Variants in CDH4 observed in about 807,000 individuals in gnomAD.
The protein encoded by CDH4 is cadherin-4.
Under a neutral mutation model 86.0 loss-of-function variants are expected in CDH4, and 33 were observed. The observed-to-expected ratio is 0.38, with a 90% CI of 0.29 to 0.51. The LOEUF is 0.51. CDH4 is among the 20% of genes least tolerant of loss of function. The probability of loss-of-function intolerance (pLI) is 0.86; values close to 1 mark genes in which losing one functional copy is unlikely to be tolerated. For synonymous variants in CDH4, 555 were observed against 549.4 expected (o/e 1.01, Z -0.14); for missense variants, 1,114 against 1,307.4 (o/e 0.85, Z 2.28).
At position 61,346,392 on chromosome 20, in the gene CDH4, A is replaced by G. The variant is rs368754083; in HGVS notation, c.169+91455A>G. The stretch of plus-strand genomic sequence containing the variant: ...GAGCTTGGGCTGCATTCCCACGGCC[A>G]TGAGGAGGCTTTGGAGGGTCTGAGC... On this transcript the variant is annotated intron_variant, in intron 2 of 15. Transcript: ENST00000614565. Among the ~76,000 whole-genome samples the G allele has an allele frequency of 4.5e-3, 686 of 152,272 alleles. 8 individuals are homozygous for G. Among genetic ancestry groups the G allele is most frequent in the African/African-American group, 0.016 (659 of 41,558 alleles).
At chr20:61,839,951 C>G (rs565003063) in intron 4 of CDH4, among the ~76,000 whole-genome samples, 1 of 120,984 alleles carries the variant, frequency 8.3e-6, no homozygotes, top group East Asian at 2.1e-4. Flanking sequence ...CATTTGTGTG[C>G]ATGGTGTGTG....
rs752182734 is a variant in CDH4 at position 61,417,661 on chromosome 20, G to A, written c.169+162724G>A. 1.3e-5 allele frequency among the ~76,000 whole-genome samples: 2 copies of A among 152,172 alleles called. No homozygotes were observed. Among genetic ancestry groups the A allele is most frequent in the African/African-American group, 4.8e-5 (2 of 41,442 alleles). On this transcript the variant is annotated intron_variant, in intron 2 of 15. Coordinates refer to ENST00000614565, the MANE Select transcript of CDH4 (RefSeq NM_001794.5). This position sits in a 1 kb window ranked among gnomAD's most constrained non-coding sequence, Gnocchi z 4.0. The stretch of plus-strand genomic sequence containing the variant: ...TGGATTGGGGAGCAAATTTCTAGCC[G>A]CTTCCCTCTCAGAACATGCATTTCT...
chr20:61,414,127 C>T (rs1226454794), intron 2 of CDH4, among the ~76,000 whole-genome samples: 1 of 152,236 alleles, frequency 6.6e-6, no homozygotes. Context: ...CCATTAGCTC[C>T]TTAAAGGCGC....
chr20:61,508,170 C>T (rs1489329966), intron 2 of CDH4, among the ~76,000 whole-genome samples: 1 of 152,222 alleles, frequency 6.6e-6, no homozygotes, highest in Non-Finnish European at 1.5e-5. Flanking sequence ...ATAAATGCCA[C>T]TTCAGAGACA....
chr20:61,839,585 G>A (rs1405772675), intron 4 of CDH4, among the ~76,000 whole-genome samples: 2 of 151,754 alleles, frequency 1.3e-5, no homozygotes, highest in Non-Finnish European at 2.9e-5. Context: ...TGTGTGACGT[G>A]TGTATGTGTA....
chr20:61,764,544 TG>T (rs2088676106), intron 3 of CDH4, among the ~76,000 whole-genome samples: 1 of 152,000 alleles, frequency 6.6e-6, no homozygotes, highest in African/African-American at 2.4e-5. Flanking sequence ...CCTCGAGCCA[TG>T]GGTGGAGAGT....
chr20:61,418,226 C>T lies in CDH4; in HGVS notation c.169+163289C>T, dbSNP rs1223921043. Among the ~76,000 whole-genome samples the T allele has an allele frequency of 8.6e-5, 12 of 139,680 alleles. 1 individual carries two copies. The highest frequency in any genetic ancestry group is 3.5e-4 in the African/African-American group (12 of 34,032). 91.6% of individuals were successfully genotyped at this position (139,680 alleles called of 152,430 possible). A position where few individuals can be genotyped will look rare whatever the true frequency, so the allele number is the denominator to read the frequency against. On this transcript the variant is annotated intron_variant, in intron 2 of 15. Transcript: ENST00000614565. ...TTTTTTTTCTTTTTTTTTTTTTTTC[C>T]CTGAGACAGAGTCTCGCTCTGTCCC...
chr20:61,451,168 T>G (rs537166038), intron 2 of CDH4, among the ~76,000 whole-genome samples: 4 of 150,890 alleles, frequency 2.7e-5, no homozygotes, highest in African/African-American at 9.9e-5. Context: ...TGCATGTTTC[T>G]TCAATAGAGT....
Position 61,902,860 on chromosome 20 carries a change from A to T in CDH4, c.1189-7562A>T, listed in dbSNP as rs2054741859. On this transcript the variant is annotated intron_variant, in intron 8 of 15. Transcript: ENST00000614565. This position sits in a 1 kb window ranked among gnomAD's most constrained non-coding sequence, Gnocchi z 4.6. The stretch of plus-strand genomic sequence containing the variant: ...ACCTGTCTCAGAGAGCTGATTAAAA[A>T]TCTCACACCACACACAGCAGAGGTG... Among the ~76,000 whole-genome samples, 2 of 152,076 alleles carry T rather than the reference A, an allele frequency of 1.3e-5. No individual in the cohort carries two copies. Among genetic ancestry groups the T allele is most frequent in the Admixed American group, 1.3e-4 (2 of 15,272 alleles).
intron 2 of CDH4, among the ~76,000 whole-genome samples, chr20:61,560,809 G>A (rs868818816): frequency 5.6e-4 from 85 of 152,352 alleles, no homozygotes; most frequent in African/African-American, 1.9e-3. Flanking sequence ...CTGTCCATCC[G>A]GGGATAGTCC....
chr20:61,630,002 C>T (rs6089442), intron 2 of CDH4, among the ~76,000 whole-genome samples: 88,913 of 151,646 alleles, frequency 0.59, 26,195 homozygotes, highest in East Asian at 0.71. Context: ...CACCTCTGCC[C>T]GGGCTCCGAG....
intron 3 of CDH4, among the ~76,000 whole-genome samples, chr20:61,746,947 G>T (rs1181198070): frequency 6.6e-6 from 1 of 152,226 alleles, no homozygotes; most frequent in Non-Finnish European, 1.5e-5. Flanking sequence ...CTCTATAGAT[G>T]ATCAAGGTGA....
chr20:61,616,210 C>T (rs564809663), intron 2 of CDH4, among the ~76,000 whole-genome samples: 47 of 152,328 alleles, frequency 3.1e-4, no homozygotes, highest in Admixed American at 1.2e-3. Flanking sequence ...CCAGAAAGGC[C>T]GTGACAGGGG....
At chr20:61,638,967 G>A (rs1217263261) in intron 2 of CDH4, among the ~76,000 whole-genome samples, 1 of 152,198 alleles carries the variant, frequency 6.6e-6, no homozygotes, top group Non-Finnish European at 1.5e-5. Context: ...TGTGATAACG[G>A]AATGAATGAC....
rs113901884 is a variant in CDH4, at chr20:61,466,577, T to C, written c.169+211640T>C. Among the ~76,000 whole-genome samples, 1,044 of 152,222 alleles carry C rather than the reference T, an allele frequency of 6.9e-3. 11 individuals carry two copies. Among genetic ancestry groups the C allele is most frequent in the African/African-American group, 0.024 (988 of 41,526 alleles). On this transcript the variant is annotated intron_variant, in intron 2 of 15. Coordinates refer to ENST00000614565, the MANE Select transcript of CDH4 (RefSeq NM_001794.5). ...ATTCTTTCCTGGCTGGGCACGGTGGTTCATGCCTATAATCTTAGCACTTTG... is the reference window on the plus strand; with the variant it reads ...ATTCTTTCCTGGCTGGGCACGGTGGCTCATGCCTATAATCTTAGCACTTTG...
intron 2 of CDH4, among the ~76,000 whole-genome samples, chr20:61,625,663 TG>T (rs1378563182): frequency 2.6e-5 from 4 of 152,188 alleles, no homozygotes; most frequent in Non-Finnish European, 4.4e-5. Context: ...TAGACTTGGT[TG>T]TATGAGCAGA....
rs1253029107 is a variant in CDH4 at position 61,791,909 on chromosome 20, T to TG, written c.576+18732dup. Among the ~76,000 whole-genome samples the TG allele has an allele frequency of 6.7e-5, 8 of 119,260 alleles. 1 individual carries two copies. Among genetic ancestry groups the TG allele is most frequent in the African/African-American group, 1.9e-4 (6 of 31,850 alleles). 78.2% of individuals were successfully genotyped at this position (119,260 alleles called of 152,430 possible). Reference sequence around the variant, plus strand: ...AGTGAGGGAAAGGGAGGGAGGGGCCTGGGGGAGGGCAGGAGCAGGTCCCAG... The same window carrying TG: ...AGTGAGGGAAAGGGAGGGAGGGGCCTGGGGGGAGGGCAGGAGCAGGTCCCAG... On this transcript the variant is annotated intron_variant, in intron 4 of 15. Coordinates refer to ENST00000614565, the MANE Select transcript of CDH4 (RefSeq NM_001794.5).
intron 3 of CDH4, among the ~76,000 whole-genome samples, chr20:61,759,532 A>T (rs899833612): frequency 6.6e-6 from 1 of 152,224 alleles, no homozygotes; most frequent in Non-Finnish European, 1.5e-5. Flanking sequence ...CCCGAATCAC[A>T]CACGCTGATG....
chr20:61,475,535 C>T (rs1600702017), intron 2 of CDH4, among the ~76,000 whole-genome samples: 1 of 40 alleles, frequency 0.025, no homozygotes, highest in Non-Finnish European at 0.083. Flanking sequence ...CCTGCCCGCC[C>T]CTCCCTCTCT....
Sources: gnomAD v4.1 joint callset for allele counts (sites outside exome capture counted in the v4.1 genomes callset) on GRCh38, gnomAD v4.1.1 for gene constraint, Gnocchi (gnomAD v3.1) non-coding constraint, MANE v1.5 for transcripts, NCBI Gene and HGNC (gene_info 2026-07-23, HGNC 2026-07-21) for gene names.